MPPED2: variants seen among roughly 807,000 people sequenced by gnomAD.
MPPED2 encodes the protein metallophosphoesterase domain containing 2.
Under a neutral mutation model 33.0 loss-of-function variants are expected in MPPED2, and 5 were observed. The observed-to-expected ratio is 0.15, with a 90% CI of 0.08 to 0.32. The LOEUF is 0.32. Among genes scored for constraint, MPPED2 ranks in the 10% least tolerant of loss-of-function variants. MPPED2 has a pLI of 1.00. For synonymous variants in MPPED2, 136 were observed against 141.9 expected (o/e 0.96, Z 0.29); for missense variants, 275 against 372.1 (o/e 0.74, Z 2.15).
intron 3 of MPPED2, among the ~76,000 whole-genome samples, chr11:30,506,051 T>G (rs1203838725): frequency 6.6e-6 from 1 of 152,056 alleles, no homozygotes; most frequent in Non-Finnish European, 1.5e-5. Context: ...TTATTATTAA[T>G]TTTTGAAATG....
chr11:30,522,565 A>T (rs1049374460), intron 3 of MPPED2, among the ~76,000 whole-genome samples: 1 of 152,202 alleles, frequency 6.6e-6, no homozygotes, highest in Non-Finnish European at 1.5e-5. Context: ...TAATTAATCA[A>T]TGGAGGCCGC....
chr11:30,579,344 T>C (rs532922446), intron 2 of MPPED2, among the ~76,000 whole-genome samples: 1 of 152,254 alleles, frequency 6.6e-6, no homozygotes, highest in African/African-American at 2.4e-5. Context: ...CTCCTTTCTA[T>C]CTTGACTATA....
chr11:30,412,430 A>C lies in MPPED2; in HGVS notation c.767-844T>G, dbSNP rs138229720. Among the ~76,000 whole-genome samples the C allele has an allele frequency of 5.9e-5, 9 of 152,188 alleles. 1 individual carries two copies. The highest frequency in any genetic ancestry group is 2.1e-4 in the South Asian group (1 of 4,810). On this transcript the variant is annotated intron_variant, in intron 6 of 6. Transcript: ENST00000358117. ...CTTATATTTGCCTTATAGCCTCTTC[A>C]ACTAAGATTCTATGTTGGTATCAGG...
chr11:30,427,835 T>C (rs1443175978), intron 4 of MPPED2, among the ~76,000 whole-genome samples: 1 of 152,246 alleles, frequency 6.6e-6, no homozygotes, highest in South Asian at 2.1e-4. Flanking sequence ...TTTCTTTTTT[T>C]ATTTAACTTT....
In MPPED2 at chr11:30,411,532, G is replaced by C. The variant is rs1175743771; in HGVS notation, c.821C>G (p.Thr274Arg). Reference sequence around the variant, plus strand: ...AGGGTTGGTCGGTTGAAAGCTGACTGTACACGTCGAGGCATTGATGTACGT... The same window carrying C: ...AGGGTTGGTCGGTTGAAAGCTGACTCTACACGTCGAGGCATTGATGTACGT... ...YTTYINASTC[T>R]VSFQPTNPPI... is the part of the protein sequence containing the mutation. Residue 274 changes from threonine to arginine, a missense_variant, in exon 7 of 7, where the codon ACA (threonine) becomes AGA (arginine). Transcript: ENST00000358117. 1 of 1,613,926 alleles carries C rather than the reference G, an allele frequency of 6.2e-7. No homozygotes were observed. Among genetic ancestry groups the C allele is most frequent in the Non-Finnish European group, 8.5e-7 (1 of 1,179,862 alleles).
At chr11:30,546,527 T>C (rs1955433100) in intron 2 of MPPED2, among the ~76,000 whole-genome samples, 2 of 152,198 alleles carry the variant, frequency 1.3e-5, no homozygotes, top group Non-Finnish European at 2.9e-5. Context: ...GTCCCACAAG[T>C]AGTTGTTAAT....
intron 3 of MPPED2, among the ~76,000 whole-genome samples, chr11:30,514,171 G>C (rs1348965859): frequency 6.6e-6 from 1 of 152,116 alleles, no homozygotes; most frequent in African/African-American, 2.4e-5. Flanking sequence ...CCCAGGTGAG[G>C]GTATCTTGAT....
intron 2 of MPPED2, among the ~76,000 whole-genome samples, chr11:30,556,751 C>G (rs1438992994): frequency 6.6e-6 from 1 of 152,142 alleles, no homozygotes; most frequent in Non-Finnish European, 1.5e-5. Flanking sequence ...GCTTGGTACA[C>G]AATAAGCATT....
intron 4 of MPPED2, among the ~76,000 whole-genome samples, chr11:30,484,909 T>G (rs1951649783): frequency 6.6e-6 from 1 of 152,230 alleles, no homozygotes; most frequent in Admixed American, 6.5e-5. Flanking sequence ...CTAAGTTTCC[T>G]ATTTATCTCA....
At position 30,545,931 on chromosome 11, in the gene MPPED2, C is replaced by T. The variant is rs139038119; in HGVS notation, c.129-9756G>A. On this transcript the variant is annotated intron_variant, in intron 2 of 6. Coordinates refer to ENST00000358117, the MANE Select transcript of MPPED2 (RefSeq NM_001584.3). ...CAGGTAGAGTGCAGTGGCACGGTCT[C>T]GGCTCACTGCAACCACCTCCCAGGT... is the stretch of plus-strand genomic sequence containing the variant. Among the ~76,000 whole-genome samples, 443 of 152,220 alleles carry T rather than the reference C, an allele frequency of 2.9e-3. 2 individuals are homozygous for T. The highest frequency in any genetic ancestry group is 9.8e-3 in the African/African-American group (408 of 41,530).
At chr11:30,578,547 A>G (rs1223733496) in intron 2 of MPPED2, among the ~76,000 whole-genome samples, 1 of 152,228 alleles carries the variant, frequency 6.6e-6, no homozygotes, top group African/African-American at 2.4e-5. Context: ...ACAGTTCGCC[A>G]GTGGAATCTT....
At chr11:30,584,420 TC>T (rs1014764431) in intron 1 of MPPED2, among the ~76,000 whole-genome samples, 4 of 151,112 alleles carry the variant, frequency 2.6e-5, no homozygotes, top group Non-Finnish European at 5.9e-5. Context: ...GGCTGGCTCT[TC>T]CCGGCTACAA....
chr11:30,545,488 C>G (rs1955365176), intron 2 of MPPED2, among the ~76,000 whole-genome samples: 1 of 152,084 alleles, frequency 6.6e-6, no homozygotes, highest in African/African-American at 2.4e-5. Flanking sequence ...ATCTTACAGC[C>G]ATCTATACCA....
At chr11:30,552,099 A>T (rs538091807) in intron 2 of MPPED2, among the ~76,000 whole-genome samples, 1 of 152,342 alleles carries the variant, frequency 6.6e-6, no homozygotes, top group South Asian at 2.1e-4. Context: ...GTCATTTTAC[A>T]CTTCATAAGT....
At chr11:30,494,757 A>AAAAAAAAAAAAAAAAAAAAAAAG (rs768924251) in intron 4 of MPPED2, among the ~76,000 whole-genome samples, 2 of 120,890 alleles carry the variant, frequency 1.7e-5, no homozygotes, top group African/African-American at 9.6e-5. Context: ...AAAAAAAAAA[A>AAAAAAAAAAAAAAAAAAAAAAAG]AAAGAAAGAA....
chr11:30,496,404 C>T (rs1952255551), intron 3 of MPPED2, among the ~76,000 whole-genome samples: 1 of 152,142 alleles, frequency 6.6e-6, no homozygotes, highest in Non-Finnish European at 1.5e-5. Flanking sequence ...GCTGTCCCCA[C>T]CTGAAATTAA....
At chr11:30,493,944 C>T (rs1952111788) in intron 4 of MPPED2, among the ~76,000 whole-genome samples, 1 of 152,192 alleles carries the variant, frequency 6.6e-6, no homozygotes, top group African/African-American at 2.4e-5. Flanking sequence ...TCAAGATTGA[C>T]ACGCTTCTTG....
At chr11:30,503,160 A>C (rs1952647535) in intron 3 of MPPED2, among the ~76,000 whole-genome samples, 1 of 151,982 alleles carries the variant, frequency 6.6e-6, no homozygotes, top group Non-Finnish European at 1.5e-5. Flanking sequence ...TTCTCACGAG[A>C]TTTGATGGTT....
intron 6 of MPPED2, among the ~76,000 whole-genome samples, chr11:30,390,591 C>T (rs1252166160): frequency 6.6e-6 from 1 of 152,226 alleles, no homozygotes; most frequent in Non-Finnish European, 1.5e-5. Context: ...AGAGTGCACC[C>T]TTATGCTGCT....
Sources: gnomAD v4.1 joint callset for allele counts (sites outside exome capture counted in the v4.1 genomes callset) on GRCh38, gnomAD v4.1.1 for gene constraint, MANE v1.5 for transcripts, NCBI Gene and HGNC (gene_info 2026-07-23, HGNC 2026-07-21) for gene names.